Variants in CCDC141 observed in about 807,000 individuals in gnomAD.
CCDC141 encodes coiled-coil domain containing 141.
A neutral mutation model predicts 181.0 loss-of-function variants in CCDC141; 168 were observed. The observed-to-expected ratio is 0.93, with a 90% confidence interval of 0.82 to 1.05. The LOEUF (loss-of-function observed/expected upper bound fraction) is 1.05. Ranked by LOEUF, CCDC141 falls within the 50% of genes least tolerant of loss-of-function variation. The probability of loss-of-function intolerance (pLI) is 0.00; values close to 1 mark genes in which losing one functional copy is unlikely to be tolerated. For synonymous variants in CCDC141, 666 were observed against 642.3 expected (o/e 1.04, Z -0.56); for missense variants, 1,902 against 1,788.5 (o/e 1.06, Z -1.14).
chr2:179,022,051 C>G (rs1385307597), intron 2 of CCDC141, among the ~76,000 whole-genome samples: 1 of 152,124 alleles, frequency 6.6e-6, no homozygotes, highest in Non-Finnish European at 1.5e-5. Flanking sequence ...AATGACTCTT[C>G]CATATCTGTT....
At chr2:179,040,754 T>C (rs1344246969) in intron 2 of CCDC141, among the ~76,000 whole-genome samples, 1 of 152,256 alleles carries the variant, frequency 6.6e-6, no homozygotes, top group Non-Finnish European at 1.5e-5. Context: ...ATGTTATATA[T>C]GTACCACACT....
At position 178,881,915 on chromosome 2, in the gene CCDC141, TCACACACACACACACA is replaced by T. The variant is rs55791403; in HGVS notation, c.1719+2970_1719+2985del. Among the ~76,000 whole-genome samples the T allele has an allele frequency of 4.5e-3, 411 of 92,350 alleles. 2 individuals carry two copies. The highest frequency in any genetic ancestry group is 0.011 in the Middle Eastern group (2 of 184). 60.6% of individuals were successfully genotyped at this position (92,350 alleles called of 152,430 possible). Reference sequence around the variant, plus strand: ...GTCTCTCTCTCTCTCTCTCTCTCTCTCACACACACACACACACACACACACACACACACACACACAC... The same window carrying T: ...GTCTCTCTCTCTCTCTCTCTCTCTCTCACACACACACACACACACACACAC... On this transcript the variant is annotated intron_variant, in intron 11 of 23. Coordinates refer to ENST00000443758, the MANE Select transcript of CCDC141 (RefSeq NM_173648.4).
At chr2:178,997,004 T>G (rs551409936) in intron 2 of CCDC141, among the ~76,000 whole-genome samples, 26 of 152,332 alleles carry the variant, frequency 1.7e-4, no homozygotes, top group Non-Finnish European at 1.8e-4. Context: ...TCAAACAGAA[T>G]GAACTAGACA....
At chr2:179,042,589 C>G (rs2043342444) in intron 2 of CCDC141, among the ~76,000 whole-genome samples, 1 of 152,176 alleles carries the variant, frequency 6.6e-6, no homozygotes, top group Non-Finnish European at 1.5e-5. Context: ...CTCAGGTGAT[C>G]CACCCACCTT....
At chr2:179,034,053 T>C (rs2043071823) in intron 2 of CCDC141, among the ~76,000 whole-genome samples, 1 of 152,208 alleles carries the variant, frequency 6.6e-6, no homozygotes, top group East Asian at 1.9e-4. Context: ...CATATGTTCA[T>C]TGCGGCACTA....
At chr2:178,826,015 G>A (rs531315536), downstream of CCDC141, among the ~76,000 whole-genome samples, 303 of 152,254 alleles carry the variant, frequency 2.0e-3, 8 homozygotes, top group South Asian at 0.025. Flanking sequence ...CATTGAATAA[G>A]AGTGGTAAGA....
intron 2 of CCDC141, among the ~76,000 whole-genome samples, chr2:178,989,626 A>T (rs1420471164): frequency 6.7e-6 from 1 of 149,034 alleles, no homozygotes; most frequent in Non-Finnish European, 1.5e-5. Context: ...ATAAATAAAT[A>T]AATAAATAAA....
At chr2:178,991,289 T>C (rs970856497) in intron 2 of CCDC141, among the ~76,000 whole-genome samples, 1 of 152,226 alleles carries the variant, frequency 6.6e-6, no homozygotes, top group East Asian at 1.9e-4. Context: ...AGTACTTTCC[T>C]CCCATATAAA....
chr2:178,892,797 C>T (rs1687220450), intron 8 of CCDC141, among the ~76,000 whole-genome samples: 1 of 152,104 alleles, frequency 6.6e-6, no homozygotes, highest in African/African-American at 2.4e-5. Flanking sequence ...CTTTACAGTC[C>T]TATTAAATTA....
At chr2:179,042,876 T>A (rs2043354990) in intron 2 of CCDC141, among the ~76,000 whole-genome samples, 1 of 151,872 alleles carries the variant, frequency 6.6e-6, no homozygotes, top group Admixed American at 6.6e-5. Flanking sequence ...AGAGCTGAAC[T>A]GAAAGAGATA....
chr2:178,874,880 C>T (rs972473189), intron 12 of CCDC141: 10 of 152,158 alleles, frequency 6.6e-5, no homozygotes, highest in East Asian at 1.9e-4. Context: ...AGGGGTATAT[C>T]GGGCAGTGGA....
At chr2:178,998,113 T>TTGTA (rs150840830) in intron 2 of CCDC141, among the ~76,000 whole-genome samples, 80,913 of 151,758 alleles carry the variant, frequency 0.53, 23,752 homozygotes, top group East Asian at 0.67. Context: ...TTAAGAATAT[T>TTGTA]TGTATATTGA....
intron 2 of CCDC141, among the ~76,000 whole-genome samples, chr2:179,039,263 G>A (rs190998888): frequency 1.9e-4 from 29 of 152,210 alleles, no homozygotes; most frequent in Non-Finnish European, 3.7e-4. Context: ...ACCAACATTA[G>A]AGGCCCTTAT....
At chr2:179,042,578 C>T (rs2043341874) in intron 2 of CCDC141, among the ~76,000 whole-genome samples, 1 of 152,142 alleles carries the variant, frequency 6.6e-6, no homozygotes, top group South Asian at 2.1e-4. Flanking sequence ...AAATTCCTGA[C>T]CTCAGGTGAT....
chr2:178,963,931 C>A (rs1043299366), intron 4 of CCDC141, among the ~76,000 whole-genome samples: 1 of 151,968 alleles, frequency 6.6e-6, no homozygotes, highest in African/African-American at 2.4e-5. Flanking sequence ...ATGTAAATAG[C>A]GTAAGAAAAG....
Position 178,878,160 on chromosome 2 carries a change from A to AT in CCDC141, c.1720-18_1720-17insA. ...CATCTCTACCTAAAAAAGAAAAAAG[A>AT]GAGTTAAGAACACTTAAACACATTT... On this transcript the variant is annotated splice_polypyrimidine_tract_variant and intron_variant, in intron 11 of 23. Transcript: ENST00000443758. The AT allele has an allele frequency of 6.4e-7, 1 of 1,565,104 alleles. No individual in the cohort carries two copies. The highest frequency in any genetic ancestry group is 8.6e-7 in the Non-Finnish European group (1 of 1,158,074).
rs145616164 is a variant in CCDC141 at position 179,008,393 on chromosome 2, G to A, written c.226-29718C>T. ...AGGCTAATATAACCAACCTGCTCCC[G>A]CAGCATTTGGTAGGTGTCACGGGCA... is the stretch of plus-strand genomic sequence containing the variant. On this transcript the variant is annotated intron_variant, in intron 2 of 23. Coordinates refer to ENST00000443758, the MANE Select transcript of CCDC141 (RefSeq NM_173648.4). Among the ~76,000 whole-genome samples the A allele has an allele frequency of 1.9e-3, 288 of 152,228 alleles. 1 individual carries two copies. The highest frequency in any genetic ancestry group is 6.4e-3 in the African/African-American group (266 of 41,546).
rs1685336764 is a variant in CCDC141 at position 178,855,350 on chromosome 2, T to C, written c.3057A>G (p.Glu1019=). 1.2e-6 allele frequency: 2 copies of C among 1,606,718 alleles called. No individual in the cohort carries two copies. The highest frequency in any genetic ancestry group is 1.3e-5 in the African/African-American group (1 of 74,570). ...DLTEHFQEVI[E]ECHFWYEDAS... The stretch of plus-strand genomic sequence containing the variant: ...TACCACTGCAAAAAGAGAATACCTC[T>C]TCTATCACCTCCTGGAAATGCTCAG... The change falls in exon 19 of 24, where the codon GAA becomes GAG. Residue 1019 remains glutamate (E), a synonymous_variant. Coordinates refer to ENST00000443758, the MANE Select transcript of CCDC141 (RefSeq NM_173648.4).
At position 178,830,824 on chromosome 2, in the gene CCDC141, T is replaced by G. The variant is rs1684219085; in HGVS notation, c.*3349A>C. ...GAACATAAGCAAGAGTTAAGTCACA[T>G]GAAGATAGGGTGGTGAAGATAGTAA... On this transcript the variant is annotated 3_prime_UTR_variant, in exon 24 of 24. Transcript: ENST00000443758. The G allele has an allele frequency of 6.6e-6, 1 of 152,152 alleles. No individual in the cohort carries two copies. Among genetic ancestry groups the G allele is most frequent in the Non-Finnish European group, 1.5e-5 (1 of 68,124 alleles). 9.4% of individuals were successfully genotyped at this position (152,152 alleles called of 1,614,324 possible).
Sources: gnomAD v4.1 joint callset for allele counts (sites outside exome capture counted in the v4.1 genomes callset) on GRCh38, gnomAD v4.1.1 for gene constraint, MANE v1.5 for transcripts, NCBI Gene and HGNC (gene_info 2026-07-23, HGNC 2026-07-21) for gene names.